AGPAT3: variants seen among roughly 807,000 people sequenced by gnomAD.
AGPAT3 encodes 1-acylglycerol-3-phosphate O-acyltransferase 3.
A neutral mutation model predicts 47.3 loss-of-function variants in AGPAT3; 5 were observed. The ratio of observed to expected loss-of-function variants is 0.11; its 90% CI spans 0.06 to 0.22. The LOEUF (loss-of-function observed/expected upper bound fraction) is 0.22, where lower values mean the gene tolerates loss of function less well. Among genes scored for constraint, AGPAT3 ranks in the 10% least tolerant of loss-of-function variants. The pLI is 1.00. For missense variants in AGPAT3, 315 were observed against 493.0 expected, an observed-to-expected ratio of 0.64 and a Z score of 3.42; for synonymous variants, 212 against 208.3, an observed-to-expected ratio of 1.02 and a Z score of -0.15.
chr21:43,968,397 G>A (rs1197119677), intron 4 of AGPAT3, among the ~76,000 whole-genome samples: 1 of 151,440 alleles, frequency 6.6e-6, no homozygotes, highest in South Asian at 2.1e-4. Context: ...GGGTCCTGGG[G>A]AGGATCTGGG....
intron 1 of AGPAT3, among the ~76,000 whole-genome samples, chr21:43,890,430 T>A (rs2086078187): frequency 6.6e-6 from 1 of 152,122 alleles, no homozygotes. Context: ...ATTTTTTTTT[T>A]AAGACAGGGT....
At chr21:43,976,028 A>G (rs1698748735) in intron 7 of AGPAT3, among the ~76,000 whole-genome samples, 1 of 147,790 alleles carries the variant, frequency 6.8e-6, no homozygotes, top group Non-Finnish European at 1.5e-5. Flanking sequence ...ATTTTTGTTA[A>G]TGTTGAAGTT....
chr21:43,918,609 C>T (rs1315023002), intron 2 of AGPAT3, among the ~76,000 whole-genome samples: 2 of 137,688 alleles, frequency 1.5e-5, no homozygotes, highest in African/African-American at 5.5e-5. Flanking sequence ...TTTTTTGAGA[C>T]TGACTCTTGC....
chr21:43,934,044 C>T lies in AGPAT3; in HGVS notation c.-48-25590C>T, dbSNP rs1296362774. Among the ~76,000 whole-genome samples, 1 of 152,226 alleles carries T rather than the reference C, an allele frequency of 6.6e-6. No homozygotes were observed. Among genetic ancestry groups the T allele is most frequent in the Non-Finnish European group, 1.5e-5 (1 of 68,042 alleles). On this transcript the variant is annotated intron_variant, in intron 2 of 9. Transcript: ENST00000291572. This position sits in a 1 kb window ranked among gnomAD's most constrained non-coding sequence, Gnocchi z 4.7. ...CCAGCTGCCGAATGCCGTACCAGGGCAGGGGCAGTGGAGCAGGTGTCTGCC... is the reference window on the plus strand; with the variant it reads ...CCAGCTGCCGAATGCCGTACCAGGGTAGGGGCAGTGGAGCAGGTGTCTGCC...
intron 7 of AGPAT3, among the ~76,000 whole-genome samples, chr21:43,972,088 C>T (rs924452306): frequency 6.6e-5 from 10 of 152,014 alleles, no homozygotes; most frequent in African/African-American, 2.4e-4. Flanking sequence ...AGCCGCAGCA[C>T]GCGAGGGACC....
intron 1 of AGPAT3, chr21:43,867,711 C>A (rs1684189226): frequency 6.6e-6 from 1 of 152,226 alleles, no homozygotes; most frequent in Non-Finnish European, 1.5e-5. Flanking sequence ...TAGATCGCAG[C>A]GTGGGACGTG....
chr21:43,973,101 G>C (rs1355247522), intron 7 of AGPAT3, among the ~76,000 whole-genome samples: 1 of 152,244 alleles, frequency 6.6e-6, no homozygotes, highest in Non-Finnish European at 1.5e-5. Flanking sequence ...GGAAGGGTTT[G>C]TGAACATAAA....
At chr21:43,909,634 G>T (rs2086586698) in intron 2 of AGPAT3, among the ~76,000 whole-genome samples, 1 of 152,196 alleles carries the variant, frequency 6.6e-6, no homozygotes, top group Non-Finnish European at 1.5e-5. Flanking sequence ...AAGTGTTCTT[G>T]AGTCTTTCCT....
In AGPAT3 at chr21:43,934,180, T is replaced by C. The variant is rs1423158625; in HGVS notation, c.-48-25454T>C. Among the ~76,000 whole-genome samples, 1 of 151,910 alleles carries C rather than the reference T, an allele frequency of 6.6e-6. No individual in the cohort carries two copies. The highest frequency in any genetic ancestry group is 1.5e-5 in the Non-Finnish European group (1 of 67,952). ...CCAGCTCCCCGAGCACCAGCTCCCC[T>C]GCCGAGCACCAGCTCCCATATGCCA... is the stretch of plus-strand genomic sequence containing the variant. On this transcript the variant is annotated intron_variant, in intron 2 of 9. Coordinates refer to ENST00000291572, the MANE Select transcript of AGPAT3 (RefSeq NM_020132.5). This position sits in a 1 kb window ranked among gnomAD's most constrained non-coding sequence, Gnocchi z 4.7.
intron 2 of AGPAT3, among the ~76,000 whole-genome samples, chr21:43,956,119 G>A (rs1204792599): frequency 1.3e-5 from 2 of 152,190 alleles, no homozygotes; most frequent in Admixed American, 1.3e-4. Context: ...TGTGTGCCAG[G>A]TGGGGGCCAG....
At position 43,985,224 on chromosome 21, in the gene AGPAT3, C is replaced by T. The variant is rs756530206; in HGVS notation, c.*2832C>T. Reference sequence around the variant, plus strand: ...ATGCCATTGCTGTCTTCATCGTCTTCCCCCGTGTGAGACACTGGTTGTCTG... The same window carrying T: ...ATGCCATTGCTGTCTTCATCGTCTTTCCCCGTGTGAGACACTGGTTGTCTG... On this transcript the variant is annotated 3_prime_UTR_variant, in exon 10 of 10. Transcript: ENST00000291572. The T allele has an allele frequency of 1.5e-5, 7 of 456,292 alleles. No homozygotes were observed. Among genetic ancestry groups the T allele is most frequent in the South Asian group, 1.1e-4 (7 of 64,564 alleles). The allele number at this position is 456,292 out of a possible 1,614,324, so 28.3% of individuals were successfully genotyped here.
At position 43,984,209 on chromosome 21, in the gene AGPAT3, C is replaced by G. The variant is rs2030014182; in HGVS notation, c.*1817C>G. 6.6e-6 allele frequency: 1 copy of G among 152,296 alleles called. No homozygotes were observed. Among genetic ancestry groups the G allele is most frequent in the African/African-American group, 2.4e-5 (1 of 41,454 alleles). The allele number at this position is 152,296 out of a possible 1,614,324, so 9.4% of individuals were successfully genotyped here. ...TGCTTCCCTCCATCTGAAATCTCAT[C>G]CCTCCACCCGCCCACTCGGGCAGCT... is the stretch of plus-strand genomic sequence containing the variant. On this transcript the variant is annotated 3_prime_UTR_variant, in exon 10 of 10. Coordinates refer to ENST00000291572, the MANE Select transcript of AGPAT3 (RefSeq NM_020132.5).
chr21:43,874,026 T>A (rs904589713), intron 1 of AGPAT3, among the ~76,000 whole-genome samples: 1 of 152,256 alleles, frequency 6.6e-6, no homozygotes, highest in Non-Finnish European at 1.5e-5. Flanking sequence ...TTCAACTTTC[T>A]GTCATAAGTA....
At chr21:43,881,292 C>T (rs918475407) in intron 1 of AGPAT3, among the ~76,000 whole-genome samples, 4 of 152,188 alleles carry the variant, frequency 2.6e-5, no homozygotes, top group African/African-American at 9.7e-5. Flanking sequence ...TGAACCCCTG[C>T]ACCTGCCTCA....
rs2146528799 is a variant in AGPAT3 at position 43,954,085 on chromosome 21, C to G, written c.-48-5549C>G. ...GATGCATAATTTCCTAAAAATCGCT[C>G]TCATGGGCTCACGAGCAAATGCTCT... On this transcript the variant is annotated intron_variant, in intron 2 of 9. Transcript: ENST00000291572. This position sits in a 1 kb window ranked among gnomAD's most constrained non-coding sequence, Gnocchi z 4.0. Among the ~76,000 whole-genome samples, 1 of 152,370 alleles carries G rather than the reference C, an allele frequency of 6.6e-6. No homozygotes were observed. Among genetic ancestry groups the G allele is most frequent in the African/African-American group, 2.4e-5 (1 of 41,594 alleles).
Position 43,934,292 on chromosome 21 carries a change from C to T in AGPAT3, c.-48-25342C>T, listed in dbSNP as rs1482107468. Among the ~76,000 whole-genome samples, 2 of 152,244 alleles carry T rather than the reference C, an allele frequency of 1.3e-5. No individual in the cohort carries two copies. On this transcript the variant is annotated intron_variant, in intron 2 of 9. Transcript: ENST00000291572. This position sits in a 1 kb window ranked among gnomAD's most constrained non-coding sequence, Gnocchi z 4.7. The stretch of plus-strand genomic sequence containing the variant: ...GCCCTCTCACCGCGGTGTGCCTGTC[C>T]CCACCTCCCAAGGGCGGAAGGAGGG...
rs754459878 is a variant in AGPAT3, at chr21:43,978,141, G to A, written c.843+20G>A. On this transcript the variant is annotated intron_variant, in intron 8 of 9. Transcript: ENST00000291572. ...GAGAAGGTAAGCAGGCTCTGCTCCCGCTCAGGGTCCCGGTCTCCTGAAGAG... is the reference window on the plus strand; with the variant it reads ...GAGAAGGTAAGCAGGCTCTGCTCCCACTCAGGGTCCCGGTCTCCTGAAGAG... 1.0e-4 allele frequency: 167 copies of A among 1,608,488 alleles called. No individual in the cohort carries two copies. The highest frequency in any genetic ancestry group is 1.2e-4 in the Non-Finnish European group (143 of 1,177,558).
chr21:43,946,697 T>C (rs1370169928), intron 2 of AGPAT3, among the ~76,000 whole-genome samples: 1 of 152,220 alleles, frequency 6.6e-6, no homozygotes, highest in Non-Finnish European at 1.5e-5. Context: ...AAGTAGTTAT[T>C]ATAACGCGTA....
intron 2 of AGPAT3, among the ~76,000 whole-genome samples, chr21:43,905,512 T>C (rs1300870922): frequency 2.0e-5 from 3 of 152,132 alleles, no homozygotes; most frequent in African/African-American, 7.2e-5. Context: ...GATTGTTTTA[T>C]TAAGATTGCT....
Sources: allele counts gnomAD v4.1 joint callset (sites outside exome capture counted in the v4.1 genomes callset), GRCh38; gene constraint gnomAD v4.1.1; non-coding constraint Gnocchi (gnomAD v3.1); transcripts MANE v1.5; gene names NCBI Gene and HGNC (gene_info 2026-07-23, HGNC 2026-07-21).